TCF12: variants seen among roughly 807,000 people sequenced by gnomAD.
The protein encoded by TCF12 is DNA-binding protein HTF4.
In TCF12, 45 loss-of-function variants were observed where a neutral mutation model predicts 86.0. The ratio of observed to expected loss-of-function variants is 0.52; its 90% confidence interval spans 0.41 to 0.67. The LOEUF (loss-of-function observed/expected upper bound fraction) is 0.67, where lower values mean the gene tolerates loss of function less well. Ranked by LOEUF, TCF12 falls within the 30% of genes least tolerant of loss-of-function variation. The pLI is 0.00. For missense variants in TCF12, 881 were observed against 859.9 expected (o/e 1.02, Z -0.31); for synonymous variants, 330 against 299.6 (o/e 1.10, Z -1.05).
intron 3 of TCF12, among the ~76,000 whole-genome samples, chr15:57,057,409 G>A (rs1472957271): frequency 6.6e-6 from 1 of 152,166 alleles, no homozygotes; most frequent in African/African-American, 2.4e-5. Context: ...TTCAGAATGG[G>A]AAACTCACCT....
chr15:57,003,650 A>T (rs1197927681), intron 3 of TCF12, among the ~76,000 whole-genome samples: 2 of 152,230 alleles, frequency 1.3e-5, no homozygotes, highest in Admixed American at 6.5e-5. Context: ...GGGAATGTGC[A>T]TGTTTGGTGA....
chr15:56,991,250 A>C (rs1272078919), intron 3 of TCF12, among the ~76,000 whole-genome samples: 1 of 152,166 alleles, frequency 6.6e-6, no homozygotes, highest in Non-Finnish European at 1.5e-5. Context: ...GCACTGATTT[A>C]TGCATCCAAT....
intron 3 of TCF12, among the ~76,000 whole-genome samples, chr15:57,032,125 C>CTCGTGAAG (rs2066234733): frequency 6.6e-6 from 1 of 152,024 alleles, no homozygotes. Flanking sequence ...GGAAAGAGAC[C>CTCGTGAAG]TCGTGAAGTC....
intron 3 of TCF12, among the ~76,000 whole-genome samples, chr15:56,938,863 T>C (rs1297459668): frequency 1.3e-5 from 2 of 152,158 alleles, no homozygotes; most frequent in African/African-American, 2.4e-5. Context: ...TTCATACACT[T>C]AAAACCTCTT....
intron 6 of TCF12, among the ~76,000 whole-genome samples, chr15:57,171,535 G>T (rs2055501093): frequency 6.6e-6 from 1 of 152,088 alleles, no homozygotes; most frequent in African/African-American, 2.4e-5. Context: ...ATTCCCCAAG[G>T]AGCATTAACT....
chr15:57,140,453 T>G (rs1193436637), intron 5 of TCF12, among the ~76,000 whole-genome samples: 2 of 152,216 alleles, frequency 1.3e-5, no homozygotes, highest in Non-Finnish European at 2.9e-5. Flanking sequence ...TAATCTCCTT[T>G]TATTCAACAA....
intron 5 of TCF12, among the ~76,000 whole-genome samples, chr15:57,123,902 A>T (rs1407707807): frequency 6.7e-6 from 1 of 148,176 alleles, no homozygotes; most frequent in Non-Finnish European, 1.5e-5. Context: ...CCCGGGAGTC[A>T]GAGCTTGCAG....
At chr15:56,945,502 G>T (rs1014511793) in intron 3 of TCF12, among the ~76,000 whole-genome samples, 4 of 151,652 alleles carry the variant, frequency 2.6e-5, no homozygotes, top group African/African-American at 9.7e-5. Flanking sequence ...GCTTTTGAAG[G>T]ATATTTTTGC....
At chr15:57,122,686 A>G (rs2051325188) in intron 5 of TCF12, among the ~76,000 whole-genome samples, 1 of 152,174 alleles carries the variant, frequency 6.6e-6, no homozygotes, top group African/African-American at 2.4e-5. Context: ...TCATCCCATC[A>G]TTTTATTTCC....
intron 5 of TCF12, among the ~76,000 whole-genome samples, chr15:57,165,194 T>A (rs186605356): frequency 6.6e-6 from 1 of 152,016 alleles, no homozygotes; most frequent in South Asian, 2.1e-4. Flanking sequence ...GATATTTGTT[T>A]CAATATTGCT....
chr15:57,222,796 C>CTTTTTTTTTGT (rs1597416282), intron 8 of TCF12, among the ~76,000 whole-genome samples: 2 of 47,456 alleles, frequency 4.2e-5, no homozygotes, highest in Non-Finnish European at 3.9e-5. Flanking sequence ...TTTTTTTTTA[C>CTTTTTTTTTGT]TTTTAAGATT....
chr15:57,022,031 G>T (rs1392814068), intron 3 of TCF12, among the ~76,000 whole-genome samples: 1 of 151,620 alleles, frequency 6.6e-6, no homozygotes, highest in African/African-American at 2.4e-5. Flanking sequence ...ATCAATATTT[G>T]TCAGGCAGAT....
intron 5 of TCF12, 25 bp downstream of exon 5, chr15:57,091,916 A>G: frequency 6.3e-7 from 1 of 1,585,232 alleles, no homozygotes; most frequent in East Asian, 2.2e-5. Flanking sequence ...CTCTGCAAGT[A>G]GTCTTCTCAA....
chr15:57,111,586 C>CT (rs1166862090), intron 5 of TCF12, among the ~76,000 whole-genome samples: 8,714 of 115,422 alleles, frequency 0.075, 409 homozygotes, highest in African/African-American at 0.094. Context: ...GTTTGTTTAT[C>CT]TTTTTTTTTT....
intron 12 of TCF12, among the ~76,000 whole-genome samples, chr15:57,243,245 A>G (rs911873279): frequency 1.3e-5 from 2 of 152,206 alleles, no homozygotes; most frequent in East Asian, 1.9e-4. Context: ...TAATAAATAC[A>G]TGTGATCTAT....
At chr15:57,232,651 C>T (rs2059190730) in intron 10 of TCF12, 61 bp from the exon 11 acceptor site, 4 of 1,539,552 alleles carry the variant, frequency 2.6e-6, no homozygotes, top group Admixed American at 3.8e-5. Context: ...TCATAGTTGT[C>T]CATTTTATGT....
chr15:57,233,469 C>T (rs1307994253), intron 11 of TCF12, among the ~76,000 whole-genome samples: 1 of 152,078 alleles, frequency 6.6e-6, no homozygotes, highest in African/African-American at 2.4e-5. Context: ...TGACCCAGCA[C>T]ACGTGGCCTC....
chr15:57,189,838 C>T (rs1237213176), intron 6 of TCF12, among the ~76,000 whole-genome samples: 1 of 152,110 alleles, frequency 6.6e-6, no homozygotes, highest in African/African-American at 2.4e-5. Context: ...ACTAAAATGT[C>T]CATCAGTGGG....
chr15:57,207,336 G>T (rs1428139070), intron 8 of TCF12, among the ~76,000 whole-genome samples: 1 of 151,958 alleles, frequency 6.6e-6, no homozygotes, highest in Admixed American at 6.6e-5. Flanking sequence ...ATGGTTCTTA[G>T]TTTCCTTTTT....
Sources: allele counts gnomAD v4.1 joint callset (sites outside exome capture counted in the v4.1 genomes callset), GRCh38; gene constraint gnomAD v4.1.1; transcripts MANE v1.5; gene names NCBI Gene and HGNC (gene_info 2026-07-23, HGNC 2026-07-21).